The following CTNNA3 variants were observed in gnomAD, a reference collection of about 807,000 sequenced individuals.
The protein encoded by CTNNA3 is catenin alpha 3.
In CTNNA3, 76 loss-of-function variants were observed where a neutral mutation model predicts 95.7. The ratio of observed to expected loss-of-function variants is 0.79; its 90% CI spans 0.66 to 0.96. The LOEUF is 0.96. Ranked by LOEUF, CTNNA3 falls within the 40% of genes least tolerant of loss-of-function variation. CTNNA3 has a pLI of 0.00. For synonymous variants in CTNNA3, 431 were observed against 374.4 expected (o/e 1.15, Z -1.74); for missense variants, 1,191 against 1,089.8 (o/e 1.09, Z -1.31).
intron 7 of CTNNA3, among the ~76,000 whole-genome samples, chr10:66,887,915 G>A (rs1845105239): frequency 1.3e-5 from 2 of 152,096 alleles, no homozygotes; most frequent in Non-Finnish European, 2.9e-5. Flanking sequence ...TGTGTGCTAG[G>A]CAGAATAACA....
At chr10:66,990,353 G>A (rs1171502703) in intron 7 of CTNNA3, among the ~76,000 whole-genome samples, 2 of 152,148 alleles carry the variant, frequency 1.3e-5, no homozygotes, top group Non-Finnish European at 2.9e-5. Context: ...TCTCCTCTAT[G>A]CTGAATTAAC....
chr10:67,527,576 T>C (rs1047875031), intron 4 of CTNNA3, among the ~76,000 whole-genome samples: 5 of 152,238 alleles, frequency 3.3e-5, no homozygotes, highest in African/African-American at 9.6e-5. Flanking sequence ...TTGTTGCACA[T>C]AGATCAATTG....
intron 11 of CTNNA3, among the ~76,000 whole-genome samples, chr10:66,412,223 G>C (rs1321526649): frequency 1.3e-5 from 2 of 152,118 alleles, no homozygotes; most frequent in Non-Finnish European, 2.9e-5. Flanking sequence ...AGATAATAAA[G>C]TGGTGGTCAG....
intron 7 of CTNNA3, among the ~76,000 whole-genome samples, chr10:66,885,462 G>A (rs10491057): frequency 0.025 from 3,828 of 152,028 alleles, 180 homozygotes; most frequent in East Asian, 0.23. Context: ...TCCATTATTC[G>A]CTCTTCCTTA....
At chr10:67,449,462 T>C (rs921213574) in intron 5 of CTNNA3, among the ~76,000 whole-genome samples, 8 of 151,926 alleles carry the variant, frequency 5.3e-5, no homozygotes, top group Admixed American at 5.2e-4. Context: ...CAAAACAGCA[T>C]GGTAGTGTTA....
chr10:65,937,877 G>C (rs540956620), intron 17 of CTNNA3, among the ~76,000 whole-genome samples: 7 of 152,042 alleles, frequency 4.6e-5, no homozygotes, highest in African/African-American at 1.7e-4. Context: ...AAGCAGGTTT[G>C]GCATGCCAGA....
intron 11 of CTNNA3, among the ~76,000 whole-genome samples, chr10:66,464,999 G>T (rs1363901487): frequency 2.0e-5 from 3 of 152,040 alleles, no homozygotes; most frequent in Non-Finnish European, 4.4e-5. Context: ...ATGGTAATTA[G>T]TAATGAGAGT....
At chr10:66,795,840 T>C (rs568825763) in intron 7 of CTNNA3, among the ~76,000 whole-genome samples, 2 of 152,322 alleles carry the variant, frequency 1.3e-5, no homozygotes, top group African/African-American at 2.4e-5. Flanking sequence ...GGCATTTTCA[T>C]GTTATGAAGC....
intron 1 of CTNNA3, among the ~76,000 whole-genome samples, chr10:67,738,932 T>C (rs933494068): frequency 1.3e-5 from 2 of 152,072 alleles, no homozygotes; most frequent in Admixed American, 1.3e-4. Context: ...CCAAGAAATA[T>C]GGGACTATGT....
At chr10:66,407,584 A>G (rs1445817456) in intron 11 of CTNNA3, among the ~76,000 whole-genome samples, 1 of 127,106 alleles carries the variant, frequency 7.9e-6, no homozygotes, top group Non-Finnish European at 1.6e-5. Flanking sequence ...CAACTTTTAC[A>G]TATTTTTTTT....
intron 9 of CTNNA3, among the ~76,000 whole-genome samples, chr10:66,761,045 A>G (rs1839580165): frequency 6.6e-6 from 1 of 152,174 alleles, no homozygotes; most frequent in African/African-American, 2.4e-5. Context: ...ATTTATTTAT[A>G]ATCAAACATA....
chr10:66,763,319 C>T (rs1409157206), intron 9 of CTNNA3, among the ~76,000 whole-genome samples: 3 of 95,690 alleles, frequency 3.1e-5, no homozygotes. Flanking sequence ...CACACACACA[C>T]ACACACACAC....
At chr10:65,966,867 G>T in intron 16 of CTNNA3, 121 bp from the exon 17 acceptor site, 1 of 624,192 alleles carries the variant, frequency 1.6e-6, no homozygotes, top group Non-Finnish European at 2.6e-6. Context: ...TTTTCATACA[G>T]GACCAAGTAG....
chr10:67,524,196 G>A (rs1024639353), intron 4 of CTNNA3, among the ~76,000 whole-genome samples: 4 of 152,172 alleles, frequency 2.6e-5, no homozygotes, highest in Non-Finnish European at 5.9e-5. Flanking sequence ...GAGGTCAGGA[G>A]ATCGAGACTA....
intron 16 of CTNNA3, among the ~76,000 whole-genome samples, chr10:65,981,458 A>T (rs2078317768): frequency 6.6e-6 from 1 of 152,052 alleles, no homozygotes; most frequent in Admixed American, 6.6e-5. Context: ...ATTCCCATCA[A>T]AATGCCACCA....
At chr10:66,752,889 C>T (rs1427567238) in intron 9 of CTNNA3, among the ~76,000 whole-genome samples, 4 of 151,962 alleles carry the variant, frequency 2.6e-5, no homozygotes, top group African/African-American at 4.8e-5. Flanking sequence ...ACAAGAGTGA[C>T]TCTATTTAAA....
At chr10:66,895,353 G>C (rs1490085477) in intron 7 of CTNNA3, among the ~76,000 whole-genome samples, 2 of 152,054 alleles carry the variant, frequency 1.3e-5, no homozygotes, top group African/African-American at 4.8e-5. Flanking sequence ...GGTATCAATG[G>C]ATCTTCAACC....
chr10:66,528,633 G>C (rs1485405888), intron 10 of CTNNA3, among the ~76,000 whole-genome samples: 1 of 152,134 alleles, frequency 6.6e-6, no homozygotes, highest in African/African-American at 2.4e-5. Context: ...TTTAGTTTGT[G>C]TTTAGTGGGT....
chr10:67,668,994 A>G (rs1036957128), intron 1 of CTNNA3, among the ~76,000 whole-genome samples: 1 of 151,776 alleles, frequency 6.6e-6, no homozygotes, highest in Non-Finnish European at 1.5e-5. Flanking sequence ...ACTCGCCACC[A>G]TGCCCGGCTA....
Sources: gnomAD v4.1 joint callset for allele counts (sites outside exome capture counted in the v4.1 genomes callset) on GRCh38, gnomAD v4.1.1 for gene constraint, MANE v1.5 for transcripts, NCBI Gene and HGNC (gene_info 2026-07-23, HGNC 2026-07-21) for gene names.